PBX1: variants seen among roughly 807,000 people sequenced by gnomAD.
PBX1 encodes PBX homeobox 1, also known as pre-B-cell leukemia transcription factor 1.
In PBX1, 6 loss-of-function variants were observed where a neutral mutation model predicts 53.4. The observed-to-expected ratio is 0.11, with a 90% CI of 0.06 to 0.22. The LOEUF is 0.22. PBX1 is among the 10% of genes least tolerant of loss of function. The pLI, the probability that PBX1 is intolerant of heterozygous loss-of-function variation, is 1.00. For missense variants in PBX1, 251 were observed against 551.4 expected (o/e 0.46, Z 5.46); for synonymous variants, 204 against 212.3 (o/e 0.96, Z 0.34).
intron 2 of PBX1, among the ~76,000 whole-genome samples, chr1:164,875,828 A>G (rs2102459667): frequency 6.6e-6 from 1 of 152,080 alleles, no homozygotes; most frequent in South Asian, 2.1e-4. Context: ...GTAATCTTGT[A>G]TTGGTTCTAT....
chr1:164,678,164 C>T (rs1329797510), intron 2 of PBX1, among the ~76,000 whole-genome samples: 2 of 152,208 alleles, frequency 1.3e-5, no homozygotes, highest in East Asian at 1.9e-4. Flanking sequence ...GTTTACTGCG[C>T]ATGTATCCAT....
downstream of PBX1, among the ~76,000 whole-genome samples, chr1:164,852,736 G>A (rs147858937): frequency 2.2e-3 from 338 of 152,262 alleles, no homozygotes; most frequent in African/African-American, 8.0e-3. Flanking sequence ...CCAGCCTATG[G>A]GAATCAAATT....
intron 2 of PBX1, among the ~76,000 whole-genome samples, chr1:164,576,025 AAC>A (rs1213199279): frequency 1.3e-5 from 2 of 152,160 alleles, no homozygotes; most frequent in African/African-American, 4.8e-5. Context: ...GCAACAATAA[AAC>A]CCAAGAGATG....
At chr1:164,637,414 C>T (rs140739736) in intron 2 of PBX1, among the ~76,000 whole-genome samples, 122 of 152,286 alleles carry the variant, frequency 8.0e-4, no homozygotes, top group African/African-American at 2.6e-3. Context: ...CGGGGCTGGT[C>T]GGACGGTGGC....
rs113184346 is a variant in PBX1, at chr1:164,621,189, A to T, written c.265+57878A>T. Among the ~76,000 whole-genome samples, 1,249 of 151,212 alleles carry T rather than the reference A, an allele frequency of 8.3e-3. 23 individuals are homozygous for T. The highest frequency in any genetic ancestry group is 0.029 in the African/African-American group (1,184 of 41,128). ...TTTTTAGTAGAGACGGGGTTTCGCT[A>T]TGTTGGCCTGGATGGTCTCGATCTC... On this transcript the variant is annotated intron_variant, in intron 2 of 8. Coordinates refer to ENST00000420696, the MANE Select transcript of PBX1 (RefSeq NM_002585.4).
intron 2 of PBX1, among the ~76,000 whole-genome samples, chr1:164,719,772 G>A (rs572877402): frequency 6.6e-6 from 1 of 152,278 alleles, no homozygotes; most frequent in East Asian, 1.9e-4. Flanking sequence ...TGGGGGGTAT[G>A]TGTGTGTCTA....
At chr1:164,718,024 C>G (rs1332420605) in intron 2 of PBX1, among the ~76,000 whole-genome samples, 1 of 152,174 alleles carries the variant, frequency 6.6e-6, no homozygotes, top group African/African-American at 2.4e-5. Flanking sequence ...TCCCCATTTG[C>G]GTAGATTCAA....
At chr1:164,823,587 G>C (rs1670272001) in intron 8 of PBX1, among the ~76,000 whole-genome samples, 1 of 127,488 alleles carries the variant, frequency 7.8e-6, no homozygotes, top group South Asian at 3.1e-4. Flanking sequence ...CAGCATAGAA[G>C]AGAGAGAGCA....
At chr1:164,754,758 A>AT (rs1557986946) in intron 2 of PBX1, among the ~76,000 whole-genome samples, 2 of 152,084 alleles carry the variant, frequency 1.3e-5, no homozygotes, top group South Asian at 2.1e-4. Context: ...ATGCTTCGTG[A>AT]TTTTTTTGTG....
chr1:164,589,078 C>T (rs1235407430), intron 2 of PBX1, among the ~76,000 whole-genome samples: 1 of 152,100 alleles, frequency 6.6e-6, no homozygotes, highest in African/African-American at 2.4e-5. Flanking sequence ...CTTTTCCTGA[C>T]TCCTCACCCT....
intron 2 of PBX1, among the ~76,000 whole-genome samples, chr1:164,612,721 A>G (rs1051054652): frequency 3.3e-5 from 5 of 152,154 alleles, no homozygotes; most frequent in Non-Finnish European, 7.3e-5. Context: ...GATGCAGAAT[A>G]TGATGGGGCT....
At chr1:164,606,017 C>G (rs1656523197) in intron 2 of PBX1, among the ~76,000 whole-genome samples, 1 of 152,156 alleles carries the variant, frequency 6.6e-6, no homozygotes, top group South Asian at 2.1e-4. Context: ...GTTGCACTCT[C>G]TATTTTTATA....
chr1:164,654,387 C>A (rs1221472579), intron 2 of PBX1, among the ~76,000 whole-genome samples: 1 of 152,200 alleles, frequency 6.6e-6, no homozygotes, highest in Non-Finnish European at 1.5e-5. Flanking sequence ...GGCAAAACAT[C>A]AGGCCTCAGG....
At chr1:164,799,229 G>A (rs1330035482) in intron 3 of PBX1, among the ~76,000 whole-genome samples, 2 of 152,122 alleles carry the variant, frequency 1.3e-5, no homozygotes, top group South Asian at 2.1e-4. Context: ...AGTGGCTCAC[G>A]CCTGTAATCC....
At chr1:164,715,028 T>C (rs200969613) in intron 2 of PBX1, among the ~76,000 whole-genome samples, 3 of 146,586 alleles carry the variant, frequency 2.0e-5, no homozygotes, top group African/African-American at 7.6e-5. Context: ...TTTTTTTTTT[T>C]AAGTTCCTCA....
chr1:164,638,492 C>T (rs1230838138), intron 2 of PBX1, among the ~76,000 whole-genome samples: 1 of 152,200 alleles, frequency 6.6e-6, no homozygotes, highest in African/African-American at 2.4e-5. Flanking sequence ...GTGCTAGGCC[C>T]CTCTGGGTGC....
At chr1:164,874,727 C>T (rs1361745628) in intron 2 of PBX1, among the ~76,000 whole-genome samples, 2 of 152,190 alleles carry the variant, frequency 1.3e-5, no homozygotes, top group Non-Finnish European at 2.9e-5. Context: ...CTCCTGACCT[C>T]AAGTGATCTG....
At chr1:164,877,648 A>T (rs965062311) in intron 2 of PBX1, among the ~76,000 whole-genome samples, 2 of 152,054 alleles carry the variant, frequency 1.3e-5, no homozygotes, top group African/African-American at 4.8e-5. Flanking sequence ...GGGCATTGGA[A>T]TGAGACCTTG....
chr1:164,689,667 C>G (rs1170434104), intron 2 of PBX1, among the ~76,000 whole-genome samples: 5 of 152,174 alleles, frequency 3.3e-5, no homozygotes, highest in Non-Finnish European at 7.3e-5. Context: ...TAAGCTTCTG[C>G]CAATAAATCC....
Sources: allele counts gnomAD v4.1 joint callset (sites outside exome capture counted in the v4.1 genomes callset), GRCh38; gene constraint gnomAD v4.1.1; transcripts MANE v1.5; gene names NCBI Gene and HGNC (gene_info 2026-07-23, HGNC 2026-07-21).